Variants in PTCHD4 observed in about 807,000 individuals in gnomAD.
The protein encoded by PTCHD4 is patched domain containing 4.
In PTCHD4, 33 loss-of-function variants were observed where a neutral mutation model predicts 58.1. The ratio of observed to expected loss-of-function variants is 0.57; its 90% CI spans 0.43 to 0.76. PTCHD4 has a LOEUF of 0.76. Among genes scored for constraint, PTCHD4 ranks in the 30% least tolerant of loss-of-function variants. The pLI is 0.00. For missense variants in PTCHD4, 1,058 were observed against 1,027.1 expected (o/e 1.03, Z -0.41); for synonymous variants, 478 against 409.6 (o/e 1.17, Z -2.02).
chr6:48,107,934 T>C (rs1161951654), intron 1 of PTCHD4, among the ~76,000 whole-genome samples: 1 of 152,146 alleles, frequency 6.6e-6, no homozygotes, highest in Non-Finnish European at 1.5e-5. Context: ...TGGAGATCAT[T>C]AAAAAGTCAG....
intron 3 of PTCHD4, among the ~76,000 whole-genome samples, chr6:48,027,104 C>A (rs1228522274): frequency 6.6e-6 from 1 of 152,006 alleles, no homozygotes; most frequent in African/African-American, 2.4e-5. Flanking sequence ...TATGTTTATA[C>A]ATGTGTATGT....
intron 4 of PTCHD4, among the ~76,000 whole-genome samples, chr6:47,955,614 C>T (rs1439471950): frequency 6.6e-6 from 1 of 151,990 alleles, no homozygotes; most frequent in African/African-American, 2.4e-5. Context: ...GTCATGAAAT[C>T]AAATCAGAAA....
rs748007658 is a variant in PTCHD4 at position 47,879,466 on chromosome 6, T to C, written c.1369A>G (p.Asn457Asp). Residue 457 changes from asparagine (N) to aspartate (D), a missense_variant, in exon 5 of 5, where the codon AAT becomes GAT. Asn to Asp is a conservative substitution (Grantham distance 23). Transcript: ENST00000339488. Reference sequence around the variant, plus strand: ...ACAACAAATGGCTTCACATATATATTGGTAATCCATTCATTATAATGTTCA... The same window carrying C: ...ACAACAAATGGCTTCACATATATATCGGTAATCCATTCATTATAATGTTCA... Reference protein sequence around the residue: ...LREHYNEWITNIYVKPFVVIL... With the variant: ...LREHYNEWITDIYVKPFVVIL... The C allele has an allele frequency of 2.5e-6, 4 of 1,613,578 alleles. No homozygotes were observed. The highest frequency in any genetic ancestry group is 2.2e-5 in the South Asian group (2 of 91,070).
At chr6:48,061,667 A>G (rs1211237151) in intron 3 of PTCHD4, among the ~76,000 whole-genome samples, 3 of 152,202 alleles carry the variant, frequency 2.0e-5, no homozygotes, top group Non-Finnish European at 4.4e-5. Context: ...CTGCTGGTCT[A>G]TACAAAACAC....
rs559540156 is a variant in PTCHD4, at chr6:47,999,975, A to G, written c.898+8659T>C. Among the ~76,000 whole-genome samples the G allele has an allele frequency of 3.9e-5, 6 of 152,304 alleles. No homozygotes were observed. The South Asian group carries it at 1.2e-3, about 32-fold the overall frequency. The stretch of plus-strand genomic sequence containing the variant: ...ATCCATTTGCCCATCTGTGTTTTCT[A>G]TACTCCGTGCTGTTGGCTAGCCAAT... On this transcript the variant is annotated intron_variant, in intron 4 of 4. Transcript: ENST00000339488.
At chr6:47,930,708 C>T (rs865897965) in intron 4 of PTCHD4, among the ~76,000 whole-genome samples, 4 of 152,156 alleles carry the variant, frequency 2.6e-5, no homozygotes, top group Non-Finnish European at 4.4e-5. Flanking sequence ...ACATAGGCAA[C>T]GTCCAGGAAA....
intron 3 of PTCHD4, among the ~76,000 whole-genome samples, chr6:48,060,450 C>T (rs1031130786): frequency 6.6e-6 from 1 of 152,130 alleles, no homozygotes; most frequent in African/African-American, 2.4e-5. Context: ...CTTTCTAGAA[C>T]CCAGAACCTA....
intron 1 of PTCHD4, among the ~76,000 whole-genome samples, chr6:48,080,507 A>T (rs779362287): frequency 3.1e-4 from 47 of 152,160 alleles, no homozygotes; most frequent in Non-Finnish European, 6.0e-4. Context: ...ATTCTATTGT[A>T]TTGAGGTAAT....
At chr6:47,907,632 T>A (rs147301785) in intron 4 of PTCHD4, among the ~76,000 whole-genome samples, 1 of 152,168 alleles carries the variant, frequency 6.6e-6, no homozygotes, top group Non-Finnish European at 1.5e-5. Context: ...AAAAGTCTGC[T>A]CTCTATCACC....
rs2114050643 is a variant in PTCHD4 at position 47,857,262 on chromosome 6, A to C, written c.*21041T>G. Among the ~76,000 whole-genome samples the C allele has an allele frequency of 6.6e-6, 1 of 152,148 alleles. No homozygotes were observed. The highest frequency in any genetic ancestry group is 1.9e-4 in the East Asian group (1 of 5,154). Reference sequence around the variant, plus strand: ...GGAAATGGTGTTGGATCAGCAGAAAACTGGAAATCTTATTTGTTTCCCTCC... The same window carrying C: ...GGAAATGGTGTTGGATCAGCAGAAACCTGGAAATCTTATTTGTTTCCCTCC... On this transcript the variant is annotated 3_prime_UTR_variant, in exon 5 of 5. Transcript: ENST00000339488.
chr6:47,950,559 A>G (rs1766603521), intron 4 of PTCHD4, among the ~76,000 whole-genome samples: 2 of 152,212 alleles, frequency 1.3e-5, no homozygotes, highest in Non-Finnish European at 2.9e-5. Flanking sequence ...AGAGTTACCT[A>G]AGAAGCGAAG....
chr6:48,023,135 G>C (rs1325705), intron 3 of PTCHD4, among the ~76,000 whole-genome samples: 1 of 152,012 alleles, frequency 6.6e-6, no homozygotes, highest in Non-Finnish European at 1.5e-5. Flanking sequence ...CATTTCATTT[G>C]TTGAATGAGA....
At position 48,105,267 on chromosome 6, in the gene PTCHD4, G is replaced by A. The variant is rs1156777745; in HGVS notation, c.-970+5782C>T. ...GACAAACTGTCTCTCAGACCACAGT[G>A]CAATCAAACTAGAACTCAGGATTAA... On this transcript the variant is annotated intron_variant, in intron 1 of 4. Transcript: ENST00000339488. 3.9e-5 allele frequency among the ~76,000 whole-genome samples: 6 copies of A among 152,310 alleles called. No individual in the cohort carries two copies. The East Asian group carries it at 9.6e-4, about 24-fold the overall frequency.
At chr6:47,909,994 CT>C (rs1273462743) in intron 4 of PTCHD4, among the ~76,000 whole-genome samples, 2 of 152,172 alleles carry the variant, frequency 1.3e-5, no homozygotes, top group Non-Finnish European at 2.9e-5. Context: ...TTTTTAGCTG[CT>C]TTTAGGAGGT....
chr6:47,857,347 T>C lies in PTCHD4; in HGVS notation c.*20956A>G, dbSNP rs75598657. On this transcript the variant is annotated 3_prime_UTR_variant, in exon 5 of 5. Transcript: ENST00000339488. Reference sequence around the variant, plus strand: ...AAGTTTCTGCGAATACGTAGTTTCATGTAGGGCATAACTTCTATCCTGTGA... The same window carrying C: ...AAGTTTCTGCGAATACGTAGTTTCACGTAGGGCATAACTTCTATCCTGTGA... Among the ~76,000 whole-genome samples, 399 of 152,210 alleles carry C rather than the reference T, an allele frequency of 2.6e-3. 2 individuals carry two copies. The highest frequency in any genetic ancestry group is 9.2e-3 in the African/African-American group (383 of 41,578).
intron 3 of PTCHD4, among the ~76,000 whole-genome samples, chr6:48,046,928 AAC>A (rs1212318633): frequency 6.6e-6 from 1 of 151,832 alleles, no homozygotes; most frequent in Admixed American, 6.6e-5. Flanking sequence ...TTCTGAAGAA[AAC>A]ATCATGAAGG....
chr6:47,933,126 C>G (rs1451151687), intron 4 of PTCHD4, among the ~76,000 whole-genome samples: 2 of 152,100 alleles, frequency 1.3e-5, no homozygotes, highest in Admixed American at 1.3e-4. Context: ...TTTGATATGG[C>G]TGATTAGAGG....
chr6:47,898,986 T>C (rs1025020825), intron 4 of PTCHD4, among the ~76,000 whole-genome samples: 3 of 152,212 alleles, frequency 2.0e-5, no homozygotes, highest in Admixed American at 6.5e-5. Flanking sequence ...CATGAAGAAA[T>C]GGAAGGCTTT....
intron 3 of PTCHD4, among the ~76,000 whole-genome samples, chr6:48,022,098 T>C (rs1359986469): frequency 1.3e-5 from 2 of 152,064 alleles, no homozygotes; most frequent in African/African-American, 2.4e-5. Context: ...CTGAATATGA[T>C]TGAGATTTTA....
Sources: gnomAD v4.1 joint callset for allele counts (sites outside exome capture counted in the v4.1 genomes callset) on GRCh38, gnomAD v4.1.1 for gene constraint, MANE v1.5 for transcripts, NCBI Gene and HGNC (gene_info 2026-07-23, HGNC 2026-07-21) for gene names.